C4orf50: variants seen among roughly 807,000 people sequenced by gnomAD.
The protein encoded by C4orf50 is uncharacterized protein C4orf50.
A neutral mutation model predicts 77.2 loss-of-function variants in C4orf50; 80 were observed. The observed-to-expected ratio is 1.04, with a 90% CI of 0.87 to 1.25. The LOEUF is 1.25. Ranked by LOEUF, C4orf50 falls within the 50% of genes most tolerant of loss-of-function variation. The probability of loss-of-function intolerance (pLI) is 0.00; values close to 1 mark genes in which losing one functional copy is unlikely to be tolerated. For synonymous variants in C4orf50, 532 were observed against 465.3 expected (o/e 1.14, Z -1.84); for missense variants, 1,257 against 1,152.9 (o/e 1.09, Z -1.31).
chr4:6,015,414 G>C lies in C4orf50; in HGVS notation c.287+2731C>G, dbSNP rs1223051331. 6.6e-6 allele frequency among the ~76,000 whole-genome samples: 1 copy of C among 151,958 alleles called. No individual in the cohort carries two copies. Among genetic ancestry groups the C allele is most frequent in the South Asian group, 2.1e-4 (1 of 4,820 alleles). On this transcript the variant is annotated intron_variant, in intron 23 of 33. Transcript: ENST00000531445. The surrounding 1 kb of genome is among the most constrained non-coding windows in gnomAD (Gnocchi z 4.4). ...GGCCTCAGGAGAAACCAATCCTGCC[G>C]ACCCCCCGAGCTTGGGCTTTTGGGA...
intron 33 of C4orf50, among the ~76,000 whole-genome samples, chr4:5,964,754 C>G (rs979856082): frequency 1.9e-5 from 2 of 108,100 alleles, no homozygotes; most frequent in African/African-American, 7.9e-5. Flanking sequence ...GGTAACAGAG[C>G]AAGACTCTGT....
intron 25 of C4orf50, among the ~76,000 whole-genome samples, chr4:5,998,631 G>T (rs1282471731): frequency 6.6e-6 from 1 of 152,218 alleles, no homozygotes; most frequent in African/African-American, 2.4e-5. Flanking sequence ...CTTTTTAAGA[G>T]CCTGGCTTTT....
In C4orf50 at chr4:6,016,708, G is replaced by A. The variant is rs528604594; in HGVS notation, c.287+1437C>T. Among the ~76,000 whole-genome samples the A allele has an allele frequency of 7.9e-5, 12 of 152,212 alleles. No individual in the cohort carries two copies. The South Asian group carries it at 1.0e-3, about 13-fold the overall frequency. ...TAACATAACTTTGTATATGACTCTC[G>A]GAGGGTAAGTGCGTTGCAGAATGAA... On this transcript the variant is annotated intron_variant, in intron 23 of 33. Transcript: ENST00000531445.
At chr4:5,996,948 G>A (rs934139727) in intron 25 of C4orf50, among the ~76,000 whole-genome samples, 1 of 152,086 alleles carries the variant, frequency 6.6e-6, no homozygotes, top group African/African-American at 2.4e-5. Context: ...TTTGTCAGCT[G>A]CTTAAAATCA....
chr4:5,980,040 A>G, intron 29 of C4orf50, 134 bp downstream of exon 7: 1 of 604,222 alleles, frequency 1.7e-6, no homozygotes, highest in Non-Finnish European at 2.8e-6. Flanking sequence ...GTACTGCCTT[A>G]TACTTTAAAA....
At chr4:5,965,983 A>G (rs1719541685) in intron 32 of C4orf50, among the ~76,000 whole-genome samples, 1 of 152,344 alleles carries the variant, frequency 6.6e-6, no homozygotes, top group South Asian at 2.1e-4. Context: ...TACACGTTTT[A>G]TCGTGCACCT....
intron 32 of C4orf50, 139 bp downstream of exon 10, chr4:5,967,275 G>T: frequency 1.4e-6 from 1 of 706,202 alleles, no homozygotes; most frequent in East Asian, 2.5e-5. Flanking sequence ...GAAAGCGGGA[G>T]GGAGAGGTGG....
At chr4:5,998,904 C>T (rs934721707) in intron 25 of C4orf50, among the ~76,000 whole-genome samples, 2 of 152,218 alleles carry the variant, frequency 1.3e-5, no homozygotes, top group South Asian at 4.1e-4. Flanking sequence ...CTTCCTTTTA[C>T]CCTGAGCAGA....
At chr4:5,959,146 C>T in exon 34 of C4orf50, 2 of 546,426 alleles carry the variant, frequency 3.7e-6, no homozygotes, top group Non-Finnish European at 6.5e-6. Context: ...TAAATATTTC[C>T]TATGCTGCCT....
intron 25 of C4orf50, among the ~76,000 whole-genome samples, chr4:6,002,305 ACTGTC>A (rs1303592134): frequency 4.6e-5 from 7 of 152,198 alleles, no homozygotes; most frequent in African/African-American, 1.7e-4. Context: ...CAAGGAGCAG[ACTGTC>A]CCCTAGAGCC....
chr4:6,006,535 A>G (rs566683868), intron 25 of C4orf50, among the ~76,000 whole-genome samples: 77 of 152,368 alleles, frequency 5.1e-4, no homozygotes, highest in African/African-American at 1.8e-3. Context: ...TCAAATGCAA[A>G]AGGAAGATGC....
intron 32 of C4orf50, 92 bp downstream of exon 10, chr4:5,967,322 G>A: frequency 3.1e-6 from 3 of 961,504 alleles, no homozygotes; most frequent in Non-Finnish European, 1.7e-6. Context: ...GCGACAGTGG[G>A]CATCTCCCCT....
At chr4:5,989,976 T>C in exon 28 of C4orf50, 3 of 1,409,292 alleles carry the variant, frequency 2.1e-6, no homozygotes, top group Non-Finnish European at 2.8e-6. Context: ...TGACTTTCCC[T>C]GCGAGGAGCT....
intron 28 of C4orf50, among the ~76,000 whole-genome samples, chr4:5,982,100 G>A (rs1477118552): frequency 1.3e-5 from 2 of 152,112 alleles, no homozygotes; most frequent in African/African-American, 4.8e-5. Flanking sequence ...GAGATGCACG[G>A]GCTGGGCCGT....
intron 31 of C4orf50, among the ~76,000 whole-genome samples, chr4:5,972,857 G>A (rs73069550): frequency 2.7e-4 from 41 of 152,334 alleles, no homozygotes; most frequent in African/African-American, 9.9e-4. Flanking sequence ...GGGCAGGCAC[G>A]GCTGGGCACC....
chr4:5,928,170 A>G (rs899534699), intron 7 of C4orf50, among the ~76,000 whole-genome samples: 3 of 152,240 alleles, frequency 2.0e-5, no homozygotes, highest in African/African-American at 7.2e-5. Context: ...AGAGCTCATT[A>G]AGGCAAAAAT....
chr4:5,907,433 T>C (rs2152480567), intron 7 of C4orf50, among the ~76,000 whole-genome samples: 1 of 152,292 alleles, frequency 6.6e-6, no homozygotes, highest in South Asian at 2.1e-4. Context: ...AGATCACTTT[T>C]GGTGGTGGTG....
intron 7 of C4orf50, chr4:5,899,914 T>C (rs143049686): frequency 6.6e-6 from 1 of 152,314 alleles, no homozygotes; most frequent in African/African-American, 2.4e-5. Context: ...ATGCGGTCTT[T>C]ACATCCTTCA....
chr4:5,942,127 T>C (rs149985645), intron 7 of C4orf50, among the ~76,000 whole-genome samples: 2 of 152,244 alleles, frequency 1.3e-5, no homozygotes, highest in Admixed American at 1.3e-4. Flanking sequence ...AGCAGTTGAT[T>C]TGAAATCATC....
Sources: gnomAD v4.1 joint callset for allele counts (sites outside exome capture counted in the v4.1 genomes callset) on GRCh38, gnomAD v4.1.1 for gene constraint, Gnocchi (gnomAD v3.1) non-coding constraint, MANE v1.5 for transcripts, NCBI Gene and HGNC (gene_info 2026-07-23, HGNC 2026-07-21) for gene names.